CCDC102B: variants seen among roughly 807,000 people sequenced by gnomAD.
CCDC102B encodes coiled-coil domain-containing protein 102B.
CCDC102B carries 75 observed loss-of-function variants against 57.4 expected under a neutral mutation model. The observed-to-expected ratio is 1.31, with a 90% CI of 1.08 to 1.58. The LOEUF is 1.58. Among genes scored for constraint, CCDC102B ranks in the 40% most tolerant of loss-of-function variants. The pLI, the probability that CCDC102B is intolerant of heterozygous loss-of-function variation, is 0.00. For synonymous variants in CCDC102B, 206 were observed against 201.9 expected, an observed-to-expected ratio of 1.02 and a Z score of -0.17; for missense variants, 636 against 582.6, an observed-to-expected ratio of 1.09 and a Z score of -0.94.
chr18:68,816,438 A>C (rs1347531111), intron 1 of CCDC102B, among the ~76,000 whole-genome samples: 2 of 148,032 alleles, frequency 1.4e-5, no homozygotes, highest in African/African-American at 5.0e-5. Context: ...TTTTCACTAT[A>C]GTCTTCTTCC....
At chr18:68,942,506 G>T (rs2049406833) in intron 6 of CCDC102B, among the ~76,000 whole-genome samples, 1 of 151,998 alleles carries the variant, frequency 6.6e-6, no homozygotes, top group South Asian at 2.1e-4. Flanking sequence ...GGTAGTAATG[G>T]AGAGAGGGTC....
chr18:68,991,677 T>C (rs901747132), intron 6 of CCDC102B, among the ~76,000 whole-genome samples: 13 of 152,220 alleles, frequency 8.5e-5, no homozygotes, highest in Non-Finnish European at 1.8e-4. Context: ...TGCTAAATTA[T>C]ATTTGTTAGA....
chr18:68,767,246 C>A (rs2034498719), intron 2 of CCDC102B, among the ~76,000 whole-genome samples: 1 of 152,204 alleles, frequency 6.6e-6, no homozygotes, highest in Admixed American at 6.5e-5. Flanking sequence ...ATATGTGAAG[C>A]TCTAACCCTT....
At chr18:69,024,989 AG>A (rs1197410251) in intron 7 of CCDC102B, among the ~76,000 whole-genome samples, 4 of 152,114 alleles carry the variant, frequency 2.6e-5, no homozygotes, top group African/African-American at 9.7e-5. Context: ...GTCATGGAAA[AG>A]GTGATTTTGT....
chr18:68,765,717 GT>G (rs1229403842), intron 2 of CCDC102B, among the ~76,000 whole-genome samples: 3 of 152,152 alleles, frequency 2.0e-5, no homozygotes, highest in African/African-American at 4.8e-5. Context: ...ACGGTGATTT[GT>G]GTACAGGGTT....
chr18:68,842,360 T>C (rs1276521721), intron 3 of CCDC102B, among the ~76,000 whole-genome samples: 1 of 152,104 alleles, frequency 6.6e-6, no homozygotes, highest in East Asian at 1.9e-4. Flanking sequence ...CTGTCACTCA[T>C]GGAATATTCA....
At chr18:68,925,267 A>T (rs564965595) in intron 6 of CCDC102B, among the ~76,000 whole-genome samples, 2 of 152,134 alleles carry the variant, frequency 1.3e-5, no homozygotes, top group South Asian at 4.2e-4. Context: ...ATGATTCAGA[A>T]ATACTCAGTC....
At chr18:68,721,975 A>G (rs1195209611) in intron 2 of CCDC102B, among the ~76,000 whole-genome samples, 1 of 152,208 alleles carries the variant, frequency 6.6e-6, no homozygotes, top group South Asian at 2.1e-4. Flanking sequence ...TACAACTAAG[A>G]AGATAATTCA....
At chr18:68,853,688 A>T (rs991763908) in intron 4 of CCDC102B, among the ~76,000 whole-genome samples, 7 of 85,966 alleles carry the variant, frequency 8.1e-5, no homozygotes, top group Non-Finnish European at 1.5e-4. Flanking sequence ...AAAAAAAAAA[A>T]AAAAAAAAAA....
chr18:68,926,469 T>C (rs1048168808), intron 6 of CCDC102B, among the ~76,000 whole-genome samples: 2 of 151,850 alleles, frequency 1.3e-5, no homozygotes, highest in African/African-American at 4.8e-5. Context: ...TAGTATGTAC[T>C]CTTATAATTT....
intron 6 of CCDC102B, among the ~76,000 whole-genome samples, chr18:68,911,461 G>T (rs1599676540): frequency 6.6e-6 from 1 of 152,004 alleles, no homozygotes; most frequent in East Asian, 1.9e-4. Context: ...GGATGGAGAA[G>T]ATCAGAAAAG....
At chr18:68,870,806 A>G (rs2039211143) in intron 4 of CCDC102B, among the ~76,000 whole-genome samples, 1 of 152,186 alleles carries the variant, frequency 6.6e-6, no homozygotes, top group African/African-American at 2.4e-5. Context: ...AGAACTTTGG[A>G]GTCTGCATTA....
intron 2 of CCDC102B, among the ~76,000 whole-genome samples, chr18:68,755,558 G>T (rs181538736): frequency 1.2e-3 from 176 of 152,086 alleles, no homozygotes; most frequent in African/African-American, 4.1e-3. Flanking sequence ...ATGTAAAGTA[G>T]AAATATAAAA....
chr18:68,913,102 G>C (rs1358606086), intron 6 of CCDC102B, among the ~76,000 whole-genome samples: 4 of 151,986 alleles, frequency 2.6e-5, no homozygotes, highest in Non-Finnish European at 4.4e-5. Flanking sequence ...ATTTCTCTGT[G>C]ACTGGCCATC....
chr18:68,885,605 A>G (rs2039855857), intron 5 of CCDC102B, among the ~76,000 whole-genome samples: 1 of 152,112 alleles, frequency 6.6e-6, no homozygotes. Flanking sequence ...AATGTTTAAA[A>G]TTCTGAAGAA....
At chr18:68,801,694 G>A (rs1362174304) in intron 1 of CCDC102B, among the ~76,000 whole-genome samples, 1 of 152,122 alleles carries the variant, frequency 6.6e-6, no homozygotes, top group African/African-American at 2.4e-5. Context: ...GGGAGCATAT[G>A]TTTCTAAGCT....
At chr18:68,832,591 A>G (rs1323855384) in intron 1 of CCDC102B, among the ~76,000 whole-genome samples, 1 of 152,018 alleles carries the variant, frequency 6.6e-6, no homozygotes, top group East Asian at 1.9e-4. Flanking sequence ...GAAAAGAGGG[A>G]TGAGGAAGGG....
At chr18:68,849,610 G>T (rs2038032649) in intron 4 of CCDC102B, among the ~76,000 whole-genome samples, 1 of 152,000 alleles carries the variant, frequency 6.6e-6, no homozygotes, top group South Asian at 2.1e-4. Flanking sequence ...GATCGTATTA[G>T]CCCATTGTTT....
At chr18:68,849,863 A>C (rs2038045582) in intron 4 of CCDC102B, among the ~76,000 whole-genome samples, 1 of 152,130 alleles carries the variant, frequency 6.6e-6, no homozygotes, top group Non-Finnish European at 1.5e-5. Flanking sequence ...TTTGGAGGGC[A>C]GCCTTCTCCA....
Sources: allele counts gnomAD v4.1 joint callset (sites outside exome capture counted in the v4.1 genomes callset), GRCh38; gene constraint gnomAD v4.1.1; transcripts MANE v1.5; gene names NCBI Gene and HGNC (gene_info 2026-07-23, HGNC 2026-07-21).